GATAD2A: variants seen among roughly 807,000 people sequenced by gnomAD.
GATAD2A encodes the protein GATA zinc finger domain containing 2A.
In GATAD2A, 12 loss-of-function variants were observed where a neutral mutation model predicts 68.5. The ratio of observed to expected loss-of-function variants is 0.18; its 90% CI spans 0.11 to 0.28. GATAD2A has a LOEUF of 0.28. GATAD2A is among the 10% of genes least tolerant of loss of function. The probability of loss-of-function intolerance (pLI) is 1.00; values close to 1 mark genes in which losing one functional copy is unlikely to be tolerated. For synonymous variants in GATAD2A, 410 were observed against 375.3 expected (o/e 1.09, Z -1.07); for missense variants, 755 against 868.5 (o/e 0.87, Z 1.64).
intron 2 of GATAD2A, among the ~76,000 whole-genome samples, chr19:19,487,125 A>C (rs892845068): frequency 6.6e-6 from 1 of 152,164 alleles, no homozygotes; most frequent in Non-Finnish European, 1.5e-5. Context: ...CAGCCATCAT[A>C]GACTTAGGAG....
At chr19:19,386,225 G>A (rs978566794) in intron 1 of GATAD2A, 9 of 152,640 alleles carry the variant, frequency 5.9e-5, no homozygotes, top group African/African-American at 2.2e-4. Context: ...GCACTACCTT[G>A]GCCGAGTTTA....
At chr19:19,457,177 C>T (rs1221837688) in intron 1 of GATAD2A, 7 of 985,462 alleles carry the variant, frequency 7.1e-6, no homozygotes, top group Non-Finnish European at 8.4e-6. Context: ...AGTGGGGCCA[C>T]TTCAGGGACA....
chr19:19,474,223 G>T, intron 2 of GATAD2A: 2 of 927,854 alleles, frequency 2.2e-6, no homozygotes, highest in Non-Finnish European at 2.6e-6. Context: ...AGGAGGGTGA[G>T]GTCGACACTG....
chr19:19,492,554 T>A (rs2059870269), intron 3 of GATAD2A, 27 bp from the exon 4 acceptor site: 2 of 1,613,748 alleles, frequency 1.2e-6, no homozygotes, highest in Non-Finnish European at 1.7e-6. Flanking sequence ...ACGCTCCCTC[T>A]CAACCCTGTT....
intron 1 of GATAD2A, among the ~76,000 whole-genome samples, chr19:19,416,120 A>G (rs1171550890): frequency 6.6e-6 from 1 of 152,082 alleles, no homozygotes; most frequent in Non-Finnish European, 1.5e-5. Context: ...CTATTATAAG[A>G]TGTAATTGCA....
chr19:19,488,867 C>T (rs2059608765), intron 2 of GATAD2A, among the ~76,000 whole-genome samples: 1 of 152,214 alleles, frequency 6.6e-6, no homozygotes, highest in Non-Finnish European at 1.5e-5. Context: ...TGAACTATCA[C>T]ATCACTTCCA....
chr19:19,443,054 G>A (rs1403065197), intron 1 of GATAD2A, among the ~76,000 whole-genome samples: 1 of 152,128 alleles, frequency 6.6e-6, no homozygotes, highest in Non-Finnish European at 1.5e-5. Flanking sequence ...GTTTAACATA[G>A]CATGACTGAG....
intron 2 of GATAD2A, among the ~76,000 whole-genome samples, chr19:19,486,444 C>T (rs929373530): frequency 1.3e-5 from 2 of 152,198 alleles, no homozygotes; most frequent in African/African-American, 4.8e-5. Context: ...CTCTGGAGGC[C>T]GTGGTGCTGC....
chr19:19,430,994 T>G (rs1407924306), intron 1 of GATAD2A, among the ~76,000 whole-genome samples: 5 of 150,950 alleles, frequency 3.3e-5, no homozygotes, highest in South Asian at 2.1e-4. Context: ...TGTGTGTGTG[T>G]GTGTGTGTGT....
At chr19:19,399,382 G>C (rs1372463493) in intron 1 of GATAD2A, among the ~76,000 whole-genome samples, 4 of 152,012 alleles carry the variant, frequency 2.6e-5, no homozygotes, top group African/African-American at 9.7e-5. Context: ...GTAGGGACGG[G>C]GTTTTGCCAT....
intron 1 of GATAD2A, among the ~76,000 whole-genome samples, chr19:19,427,071 G>A (rs1458063723): frequency 6.6e-6 from 1 of 151,892 alleles, no homozygotes; most frequent in Non-Finnish European, 1.5e-5. Flanking sequence ...GCACCTATAT[G>A]AGGTTCCTAG....
At chr19:19,490,638 C>T (rs1431844941) in intron 2 of GATAD2A, among the ~76,000 whole-genome samples, 6 of 151,998 alleles carry the variant, frequency 3.9e-5, no homozygotes, top group Non-Finnish European at 7.4e-5. Flanking sequence ...GATGAATGTA[C>T]AATGAGGCCG....
intron 2 of GATAD2A, among the ~76,000 whole-genome samples, chr19:19,487,736 A>G (rs531315943): frequency 2.6e-5 from 4 of 152,282 alleles, no homozygotes; most frequent in Middle Eastern, 6.8e-3. Context: ...TCTGTGGGCC[A>G]GGCCCCAGGA....
At chr19:19,426,537 A>C (rs1288989129) in intron 1 of GATAD2A, among the ~76,000 whole-genome samples, 2 of 151,746 alleles carry the variant, frequency 1.3e-5, no homozygotes, top group Non-Finnish European at 2.9e-5. Context: ...TTGAGATAGA[A>C]TCTTGCTCTT....
intron 11 of GATAD2A, among the ~76,000 whole-genome samples, chr19:19,503,432 C>T (rs904201507): frequency 6.6e-5 from 10 of 152,310 alleles, no homozygotes; most frequent in African/African-American, 1.4e-4. Context: ...AAACAGCAGA[C>T]GTTCGGCTGC....
At chr19:19,429,833 G>T (rs1010976379) in intron 1 of GATAD2A, among the ~76,000 whole-genome samples, 1 of 152,008 alleles carries the variant, frequency 6.6e-6, no homozygotes, top group East Asian at 2.0e-4. Context: ...TGGTCCTCCC[G>T]GGGCTGATTC....
chr19:19,392,942 G>C (rs2048955732), intron 1 of GATAD2A, among the ~76,000 whole-genome samples: 1 of 152,042 alleles, frequency 6.6e-6, no homozygotes, highest in African/African-American at 2.4e-5. Flanking sequence ...TGAACTGCCT[G>C]CCTCGGACTG....
chr19:19,416,012 C>CAG (rs1353698575), intron 1 of GATAD2A, among the ~76,000 whole-genome samples: 1 of 152,042 alleles, frequency 6.6e-6, no homozygotes, highest in Non-Finnish European at 1.5e-5. Context: ...GGCTAGAGTG[C>CAG]AGAGGCTCAT....
At chr19:19,421,394 G>A (rs893165285) in intron 1 of GATAD2A, among the ~76,000 whole-genome samples, 9 of 152,112 alleles carry the variant, frequency 5.9e-5, no homozygotes, top group African/African-American at 1.2e-4. Flanking sequence ...CTGTCCCTTC[G>A]CCTGTCCATA....
Sources: gnomAD v4.1 joint callset for allele counts (sites outside exome capture counted in the v4.1 genomes callset) on GRCh38, gnomAD v4.1.1 for gene constraint, MANE v1.5 for transcripts, NCBI Gene and HGNC (gene_info 2026-07-23, HGNC 2026-07-21) for gene names.